Variants in VCAN observed in about 807,000 individuals in gnomAD.
VCAN encodes versican.
VCAN carries 44 observed loss-of-function variants against 245.5 expected under a neutral mutation model. That is an observed-to-expected ratio of 0.18 (90% CI 0.14 to 0.23). The LOEUF (loss-of-function observed/expected upper bound fraction) is 0.23, where lower values mean the gene tolerates loss of function less well. VCAN is among the 10% of genes least tolerant of loss of function. The pLI is 1.00. For missense variants in VCAN, 3,793 were observed against 4,057.9 expected, an observed-to-expected ratio of 0.93 and a Z score of 1.77; for synonymous variants, 1,413 against 1,437.0, an observed-to-expected ratio of 0.98 and a Z score of 0.38.
chr5:83,507,534 T>C (rs1339143084), intron 5 of VCAN, among the ~76,000 whole-genome samples: 1 of 152,208 alleles, frequency 6.6e-6, no homozygotes, highest in Non-Finnish European at 1.5e-5. Context: ...TTAAATCATG[T>C]TGAGAGAGAG....
At chr5:83,532,616 A>G (rs924593665) in intron 7 of VCAN, among the ~76,000 whole-genome samples, 1 of 152,036 alleles carries the variant, frequency 6.6e-6, no homozygotes, top group Non-Finnish European at 1.5e-5. Flanking sequence ...GCACTTTGGG[A>G]GGCTGAGGCA....
Position 83,541,954 on chromosome 5 carries a change from A to G in VCAN, c.8951A>G (p.Tyr2984Cys), listed in dbSNP as rs756520143. ...CACTCTACTTCTGCTTCTGCCACCTATGGGGTCGAGGCAGGTGTGGTGCCT... is the reference window on the plus strand; with the variant it reads ...CACTCTACTTCTGCTTCTGCCACCTGTGGGGTCGAGGCAGGTGTGGTGCCT... ...WPHSTSASAT[Y>C]GVEAGVVPWL... is the part of the protein sequence containing the mutation. Residue 2984 changes from tyrosine (Y) to cysteine (C), a missense_variant, in exon 8 of 15, where the codon TAT becomes TGT. Tyr to Cys is a radical substitution (Grantham distance 194). This residue lies in a region of VCAN where 3,182 missense variants were observed against 3,250.3 expected (regional missense o/e 0.98). Transcript: ENST00000265077. 4 of 1,613,880 alleles carry G rather than the reference A, an allele frequency of 2.5e-6. No homozygotes were observed. The highest frequency in any genetic ancestry group is 3.4e-6 in the Non-Finnish European group (4 of 1,179,964).
chr5:83,524,385 ATAT>A (rs969923272), intron 7 of VCAN, among the ~76,000 whole-genome samples: 4 of 152,128 alleles, frequency 2.6e-5, no homozygotes, highest in African/African-American at 9.7e-5. Flanking sequence ...TTGCATAATA[ATAT>A]TAGGTCAGAA....
chr5:83,539,714 G>T lies in VCAN; in HGVS notation c.6711G>T (p.Pro2237=). The T allele has an allele frequency of 6.2e-7, 1 of 1,613,590 alleles. No individual in the cohort carries two copies. Among genetic ancestry groups the T allele is most frequent in the South Asian group, 1.1e-5 (1 of 91,078 alleles). The part of the protein sequence containing the change: ...IKKEESTKHF[P]KGMRPTIQES... Reference sequence around the variant, plus strand: ...AGGAAGAAAGTACAAAACATTTTCCGAAAGGCATGAGACCAACAATTCAAG... The same window carrying T: ...AGGAAGAAAGTACAAAACATTTTCCTAAAGGCATGAGACCAACAATTCAAG... Residue 2237 remains proline (P), a synonymous_variant, in exon 8 of 15, where the codon CCG becomes CCT. Transcript: ENST00000265077.
Position 83,537,715 on chromosome 5 carries a change from G to C in VCAN, c.4712G>C (p.Gly1571Ala). Residue 1571 changes from glycine to alanine, a missense_variant, in exon 8 of 15, where the codon GGT (glycine) becomes GCT (alanine). Transcript: ENST00000265077. ...GCAAGGGCTACAGAAGTAACATTTGGTGAAGAGGTAGAAAAAAGTACTTCT... is the reference window on the plus strand; with the variant it reads ...GCAAGGGCTACAGAAGTAACATTTGCTGAAGAGGTAGAAAAAAGTACTTCT... Reference protein sequence around the residue: ...AFARATEVTFGEEVEKSTSVT... With the variant: ...AFARATEVTFAEEVEKSTSVT... 7 of 1,613,922 alleles carry C rather than the reference G, an allele frequency of 4.3e-6. No homozygotes were observed. The highest frequency in any genetic ancestry group is 5.9e-6 in the Non-Finnish European group (7 of 1,179,940).
In VCAN at chr5:83,520,702, C is replaced by G. The variant is rs1235715071; in HGVS notation, c.2396C>G (p.Thr799Ser). The G allele has an allele frequency of 1.2e-6, 2 of 1,614,008 alleles. No homozygotes were observed. Among genetic ancestry groups the G allele is most frequent in the Non-Finnish European group, 1.7e-6 (2 of 1,180,000 alleles). ...GGTACTTTAAGTGTTGAAGCAGCCA[C>G]TGTATCAAAATGGTCATGGGATGAA... ...AHGTLSVEAATVSKWSWDEDN... is the reference protein window; with the variant it reads ...AHGTLSVEAASVSKWSWDEDN... The change falls in exon 7 of 15, where the codon ACT becomes AGT. Residue 799 changes from threonine to serine, a missense_variant. Physicochemically the swap from Thr to Ser is moderately conservative, Grantham distance 58. Around this residue, in one of 5 missense-constraint regions of VCAN, gnomAD observed 3,182 missense variants for 3,250.3 expected, o/e 0.98. Transcript: ENST00000265077.
chr5:83,535,142 TA>T (rs1746657345), intron 7 of VCAN, among the ~76,000 whole-genome samples: 1 of 152,138 alleles, frequency 6.6e-6, no homozygotes, highest in Non-Finnish European at 1.5e-5. Flanking sequence ...TATAACACAC[TA>T]GAGTTATGTA....
At chr5:83,473,764 G>GC (rs977428198) in intron 1 of VCAN, among the ~76,000 whole-genome samples, 57 of 152,246 alleles carry the variant, frequency 3.7e-4, no homozygotes, top group African/African-American at 1.3e-3. Flanking sequence ...AGAAAAACAA[G>GC]CCCCCCAGAC....
intron 7 of VCAN, among the ~76,000 whole-genome samples, chr5:83,532,076 A>T (rs963672143): frequency 1.1e-4 from 17 of 152,122 alleles, no homozygotes; most frequent in African/African-American, 3.9e-4. Context: ...CAATTACACC[A>T]TTGGGTTGCT....
rs1020643980 is a variant in VCAN at position 83,521,515 on chromosome 5, G to A, written c.3209G>A (p.Gly1070Glu). The change falls in exon 7 of 15, where the codon GGA (glycine) becomes GAA (glutamate). Residue 1070 changes from glycine (G) to glutamate (E), a missense_variant. Transcript: ENST00000265077. The stretch of plus-strand genomic sequence containing the variant: ...CCACTGGATGAACAAGAGGGCGATG[G>A]ATCAGCATATACAGTCTCTGAAGAT... ...VTPLDEQEGD[G>E]SAYTVSEDEL... 3 of 1,614,038 alleles carry A rather than the reference G, an allele frequency of 1.9e-6. No homozygotes were observed. Among genetic ancestry groups the A allele is most frequent in the Admixed American group, 1.7e-5 (1 of 60,026 alleles).
chr5:83,519,299 A>C (rs1745978220), intron 6 of VCAN, 50 bp from the exon 7 acceptor site: 1 of 1,599,372 alleles, frequency 6.3e-7, no homozygotes, highest in African/African-American at 1.3e-5. Flanking sequence ...TGGGCATACA[A>C]GTTTTTATTA....
chr5:83,475,496 T>C (rs1744356385), intron 1 of VCAN, among the ~76,000 whole-genome samples: 2 of 152,120 alleles, frequency 1.3e-5, no homozygotes, highest in South Asian at 4.1e-4. Context: ...AGTCCTAAAA[T>C]AGGATGTTGT....
At chr5:83,549,555 T>C (rs1317880520) in intron 10 of VCAN, among the ~76,000 whole-genome samples, 1 of 152,206 alleles carries the variant, frequency 6.6e-6, no homozygotes, top group Admixed American at 6.5e-5. Flanking sequence ...AAAGTAACTC[T>C]CAAAGATAAA....
chr5:83,540,013 G>C lies in VCAN; in HGVS notation c.7010G>C (p.Ser2337Thr), dbSNP rs772149513. Residue 2337 changes from serine to threonine, a missense_variant, in exon 8 of 15, where the codon AGT (serine) becomes ACT (threonine). Ser to Thr is a moderately conservative substitution (Grantham distance 58, BLOSUM62 1). This residue lies in a region of VCAN where 3,182 missense variants were observed against 3,250.3 expected (regional missense o/e 0.98). Coordinates refer to ENST00000265077, the MANE Select transcript of VCAN (RefSeq NM_004385.5). Reference protein sequence around the residue: ...VTSTTLIEILSDTGAEGPTVA... With the variant: ...VTSTTLIEILTDTGAEGPTVA... ...AGCACAACATTAATAGAAATTTTAA[G>C]TGACACTGGAGCAGAAGGACCCACG... is the stretch of plus-strand genomic sequence containing the variant. The C allele has an allele frequency of 1.2e-6, 2 of 1,614,088 alleles. No individual in the cohort carries two copies. Among genetic ancestry groups the C allele is most frequent in the South Asian group, 2.2e-5 (2 of 91,086 alleles).
Position 83,537,383 on chromosome 5 carries a change from A to C in VCAN, c.4380A>C (p.Glu1460Asp), listed in dbSNP as rs775232854. 3.8e-5 allele frequency: 61 copies of C among 1,613,876 alleles called. No individual in the cohort carries two copies. Among genetic ancestry groups the C allele is most frequent in the Non-Finnish European group, 5.0e-5 (59 of 1,179,948 alleles). ...DTHPFVIAKT[E>D]LSTAVQPNES... ...ATCCATTTGTAATAGCCAAAACGGA[A>C]TTGTCTACTGCTGTGCAACCTAATG... Residue 1460 changes from glutamate (E) to aspartate (D), a missense_variant, in exon 8 of 15, where the codon GAA (glutamate) becomes GAC (aspartate). By Grantham distance (45) the Glu-to-Asp change is conservative (BLOSUM62 2). This residue lies in a region of VCAN where 3,182 missense variants were observed against 3,250.3 expected (regional missense o/e 0.98). Coordinates refer to ENST00000265077, the MANE Select transcript of VCAN (RefSeq NM_004385.5).
chr5:83,549,568 CTTTA>C (rs1399220322), intron 10 of VCAN, among the ~76,000 whole-genome samples: 1 of 152,158 alleles, frequency 6.6e-6, no homozygotes, highest in East Asian at 1.9e-4. Flanking sequence ...AAGATAAACA[CTTTA>C]TTTATATGTT....
chr5:83,497,903 G>C (rs1345719457), intron 5 of VCAN, among the ~76,000 whole-genome samples: 1 of 152,130 alleles, frequency 6.6e-6, no homozygotes, highest in Non-Finnish European at 1.5e-5. Context: ...TAAATTGGAG[G>C]ATTGCAGATG....
intron 1 of VCAN, among the ~76,000 whole-genome samples, chr5:83,474,685 C>T (rs1017142857): frequency 1.4e-4 from 21 of 152,150 alleles, no homozygotes; most frequent in African/African-American, 5.1e-4. Flanking sequence ...GCAGCCGAGG[C>T]CCCCACCCAC....
intron 12 of VCAN, among the ~76,000 whole-genome samples, chr5:83,558,702 A>G (rs1307686796): frequency 1.3e-5 from 2 of 152,200 alleles, no homozygotes; most frequent in Non-Finnish European, 2.9e-5. Context: ...TACTAAATTA[A>G]TGATGTTATT....
Sources: allele counts gnomAD v4.1 joint callset (sites outside exome capture counted in the v4.1 genomes callset), GRCh38; gene constraint gnomAD v4.1.1; regional missense constraint gnomAD v4.1.1; transcripts MANE v1.5; gene names NCBI Gene and HGNC (gene_info 2026-07-23, HGNC 2026-07-21).